The following SRRM4 variants were observed in gnomAD, a reference collection of about 807,000 sequenced individuals.
SRRM4 encodes the protein serine/arginine repetitive matrix 4.
SRRM4 carries 33 observed loss-of-function variants against 68.9 expected under a neutral mutation model. The observed-to-expected ratio is 0.48, with a 90% confidence interval of 0.36 to 0.64. The LOEUF (loss-of-function observed/expected upper bound fraction) is 0.64. Ranked by LOEUF, SRRM4 falls within the 30% of genes least tolerant of loss-of-function variation. The pLI is 0.00. For synonymous variants in SRRM4, 318 were observed against 318.8 expected (o/e 1.00, Z 0.03); for missense variants, 817 against 827.1 (o/e 0.99, Z 0.15).
intron 1 of SRRM4, among the ~76,000 whole-genome samples, chr12:119,097,046 T>C (rs1387887500): frequency 6.6e-6 from 1 of 152,084 alleles, no homozygotes; most frequent in African/African-American, 2.4e-5. Context: ...CGTGGCTCCC[T>C]CCCTCCATCT....
chr12:118,998,407 A>G (rs1244083136), intron 1 of SRRM4, among the ~76,000 whole-genome samples: 1 of 151,508 alleles, frequency 6.6e-6, no homozygotes, highest in East Asian at 1.9e-4. Flanking sequence ...GAGTGCTTGG[A>G]TCAATTAGTA....
At chr12:119,082,320 G>T (rs915381891) in intron 1 of SRRM4, among the ~76,000 whole-genome samples, 1 of 151,808 alleles carries the variant, frequency 6.6e-6, no homozygotes, top group Non-Finnish European at 1.5e-5. Flanking sequence ...CCTCCACCAC[G>T]CTGGCCTCAT....
At chr12:119,080,757 C>T (rs566777074) in intron 1 of SRRM4, among the ~76,000 whole-genome samples, 1 of 152,214 alleles carries the variant, frequency 6.6e-6, no homozygotes, top group South Asian at 2.1e-4. Flanking sequence ...CGAGAGCAGG[C>T]AACAGCTTCA....
In SRRM4 at chr12:119,158,641, C is replaced by T. The variant is rs1954489072; in HGVS notation, c.*1843C>T. 6.6e-6 allele frequency: 1 copy of T among 152,448 alleles called. No homozygotes were observed. The highest frequency in any genetic ancestry group is 2.4e-5 in the African/African-American group (1 of 41,486). The allele number at this position is 152,448 out of a possible 1,614,324, so 9.4% of individuals were successfully genotyped here. The stretch of plus-strand genomic sequence containing the variant: ...AAGGCCAGATGGCAGGTGCCTGGGA[C>T]AGGGGCAGGTGCCCCGGGGAGGGCA... On this transcript the variant is annotated 3_prime_UTR_variant, in exon 13 of 13. Transcript: ENST00000267260.
chr12:119,108,444 G>T (rs1265474488), intron 2 of SRRM4, among the ~76,000 whole-genome samples: 3 of 152,098 alleles, frequency 2.0e-5, no homozygotes, highest in African/African-American at 7.2e-5. Flanking sequence ...TATTGTGTGG[G>T]AGTCTAAGTC....
At chr12:119,126,173 G>A (rs184815869) in intron 7 of SRRM4, among the ~76,000 whole-genome samples, 1,786 of 151,354 alleles carry the variant, frequency 0.012, 24 homozygotes, top group Middle Eastern at 0.024. Context: ...ACAGGCGCCC[G>A]CCACCACACC....
chr12:119,100,117 C>T (rs1954069261), intron 1 of SRRM4, among the ~76,000 whole-genome samples: 1 of 152,070 alleles, frequency 6.6e-6, no homozygotes, highest in South Asian at 2.1e-4. Context: ...TCAGGAAGGA[C>T]TTCTCTGATT....
At chr12:119,115,430 C>T (rs1954173293) in intron 3 of SRRM4, among the ~76,000 whole-genome samples, 1 of 152,170 alleles carries the variant, frequency 6.6e-6, no homozygotes, top group African/African-American at 2.4e-5. Context: ...ACCCTTAAGG[C>T]TGCCAACTGA....
chr12:119,045,483 C>T (rs1034102499), intron 1 of SRRM4, among the ~76,000 whole-genome samples: 3 of 146,188 alleles, frequency 2.1e-5, no homozygotes, highest in South Asian at 2.3e-4. Flanking sequence ...CCCACTCCCC[C>T]GCTCCCCCCC....
chr12:119,039,456 ATTACTAT>A (rs138761118), intron 1 of SRRM4, among the ~76,000 whole-genome samples: 5,674 of 152,234 alleles, frequency 0.037, 377 homozygotes, highest in African/African-American at 0.13. Flanking sequence ...TTCCACTAGC[ATTACTAT>A]TTCTATACAG....
At chr12:119,017,954 C>A (rs1953492027) in intron 1 of SRRM4, among the ~76,000 whole-genome samples, 1 of 152,206 alleles carries the variant, frequency 6.6e-6, no homozygotes, top group South Asian at 2.1e-4. Context: ...GTTAACCCAT[C>A]TGAACCCCAA....
At position 119,088,598 on chromosome 12, in the gene SRRM4, C is replaced by T. The variant is rs149288579; in HGVS notation, c.132-13638C>T. Among the ~76,000 whole-genome samples, 88 of 149,916 alleles carry T rather than the reference C, an allele frequency of 5.9e-4. 1 individual carries two copies. Among genetic ancestry groups the T allele is most frequent in the African/African-American group, 2.1e-3 (84 of 40,584 alleles). The stretch of plus-strand genomic sequence containing the variant: ...GTTGAAGGACTTTGCCCAAGGCCAC[C>T]AGTGATGTCTTGGAGGGATTCACAA... On this transcript the variant is annotated intron_variant, in intron 1 of 12. Transcript: ENST00000267260.
At chr12:119,144,424 C>T (rs1954387932) in intron 8 of SRRM4, 1 of 152,118 alleles carries the variant, frequency 6.6e-6, no homozygotes, top group Admixed American at 6.6e-5. Context: ...AAGTTCAGGG[C>T]CAAGTTTGAG....
At chr12:119,051,132 T>G (rs1488518158) in intron 1 of SRRM4, among the ~76,000 whole-genome samples, 1 of 152,192 alleles carries the variant, frequency 6.6e-6, no homozygotes, top group African/African-American at 2.4e-5. Context: ...AAGCTAGGGA[T>G]GCTACTAAAC....
chr12:118,991,922 G>C (rs767892866), intron 1 of SRRM4: 5 of 152,218 alleles, frequency 3.3e-5, no homozygotes, highest in Non-Finnish European at 7.3e-5. Flanking sequence ...GTATTAGATA[G>C]AGCTAACAGG....
chr12:119,005,748 C>T (rs1173902693), intron 1 of SRRM4, among the ~76,000 whole-genome samples: 1 of 152,172 alleles, frequency 6.6e-6, no homozygotes, highest in Non-Finnish European at 1.5e-5. Flanking sequence ...TACCTGTTTG[C>T]ATTATTGTTA....
intron 9 of SRRM4, among the ~76,000 whole-genome samples, chr12:119,149,420 A>T (rs553897163): frequency 6.6e-6 from 1 of 152,238 alleles, no homozygotes. Flanking sequence ...TTCTCAGAAC[A>T]TTGAAAAGGT....
At chr12:118,983,078 G>A (rs1008784681) in intron 1 of SRRM4, among the ~76,000 whole-genome samples, 4 of 152,140 alleles carry the variant, frequency 2.6e-5, no homozygotes, top group African/African-American at 9.7e-5. Flanking sequence ...GCATTAGGGA[G>A]CAGATTGAAA....
chr12:119,025,830 G>C (rs1346173465), intron 1 of SRRM4, among the ~76,000 whole-genome samples: 2 of 152,056 alleles, frequency 1.3e-5, no homozygotes, highest in Non-Finnish European at 2.9e-5. Context: ...AAAATGATCA[G>C]ACCTTGAGCC....
Sources: gnomAD v4.1 joint callset for allele counts (sites outside exome capture counted in the v4.1 genomes callset) on GRCh38, gnomAD v4.1.1 for gene constraint, MANE v1.5 for transcripts, NCBI Gene and HGNC (gene_info 2026-07-23, HGNC 2026-07-21) for gene names.